Variants in FOXN3 observed in about 807,000 individuals in gnomAD.
FOXN3 encodes forkhead box protein N3.
A neutral mutation model predicts 38.4 loss-of-function variants in FOXN3; 7 were observed. The ratio of observed to expected loss-of-function variants is 0.18; its 90% CI spans 0.10 to 0.34. The LOEUF (loss-of-function observed/expected upper bound fraction) is 0.34, where lower values mean the gene tolerates loss of function less well. Ranked by LOEUF, FOXN3 falls within the 10% of genes least tolerant of loss-of-function variation. The probability of loss-of-function intolerance (pLI) is 1.00; values close to 1 mark genes in which losing one functional copy is unlikely to be tolerated. For synonymous variants in FOXN3, 230 were observed against 242.2 expected, an observed-to-expected ratio of 0.95 and a Z score of 0.47; for missense variants, 456 against 613.4, an observed-to-expected ratio of 0.74 and a Z score of 2.71.
At chr14:89,238,837 T>C (rs1885054685) in intron 4 of FOXN3, among the ~76,000 whole-genome samples, 1 of 151,858 alleles carries the variant, frequency 6.6e-6, no homozygotes, top group African/African-American at 2.4e-5. Context: ...GTGAAATGTA[T>C]CCATTTCTAA....
At chr14:89,409,698 C>T (rs1310023738) in intron 2 of FOXN3, among the ~76,000 whole-genome samples, 1 of 152,172 alleles carries the variant, frequency 6.6e-6, no homozygotes, top group Non-Finnish European at 1.5e-5. Flanking sequence ...CTTTTGAAGA[C>T]TTTCCCTTTC....
intron 1 of FOXN3, among the ~76,000 whole-genome samples, chr14:89,495,369 T>A (rs988106726): frequency 2.0e-5 from 3 of 152,220 alleles, no homozygotes; most frequent in Non-Finnish European, 4.4e-5. Context: ...TTTCCTGTTA[T>A]TTTCCTAAAT....
intron 4 of FOXN3, among the ~76,000 whole-genome samples, chr14:89,259,056 T>C (rs1393480968): frequency 3.3e-5 from 5 of 152,236 alleles, no homozygotes; most frequent in Non-Finnish European, 5.9e-5. Context: ...CAGAATCACC[T>C]GGTGGCTTTG....
At chr14:89,511,307 C>G (rs1381618028) in intron 1 of FOXN3, among the ~76,000 whole-genome samples, 1 of 112,946 alleles carries the variant, frequency 8.9e-6, no homozygotes, top group African/African-American at 3.5e-5. Context: ...TTCTTTCTTT[C>G]TTTTTTGAGA....
intron 1 of FOXN3, among the ~76,000 whole-genome samples, chr14:89,612,854 T>G (rs1181219396): frequency 6.6e-6 from 1 of 150,456 alleles, no homozygotes; most frequent in East Asian, 1.9e-4. Flanking sequence ...ACACGGTGGC[T>G]CACGCTTGTG....
intron 2 of FOXN3, among the ~76,000 whole-genome samples, chr14:89,396,430 C>G (rs1487595609): frequency 6.6e-6 from 1 of 152,192 alleles, no homozygotes; most frequent in Non-Finnish European, 1.5e-5. Flanking sequence ...CCAGATTCTT[C>G]ATGTATAAAC....
At chr14:89,608,273 G>C (rs895398792) in intron 1 of FOXN3, among the ~76,000 whole-genome samples, 1 of 152,272 alleles carries the variant, frequency 6.6e-6, no homozygotes, top group South Asian at 2.1e-4. Flanking sequence ...TGGGATTACA[G>C]GCGTGAGCCA....
intron 1 of FOXN3, among the ~76,000 whole-genome samples, chr14:89,605,686 T>C (rs1233764165): frequency 1.3e-5 from 2 of 152,100 alleles, no homozygotes. Context: ...TTATTTATAT[T>C]AGAAAAAATA....
rs1887039850 is a variant in FOXN3, at chr14:89,159,002, A to T, written c.*3412T>A. On this transcript the variant is annotated 3_prime_UTR_variant, in exon 6 of 6. Transcript: ENST00000557258. ...GGCGATCTGTCAGACTAATGGATAC[A>T]TATGCTAGTTTGGAAGCTAAAAGAA... is the stretch of plus-strand genomic sequence containing the variant. 1 of 152,664 alleles carries T rather than the reference A, an allele frequency of 6.6e-6. No individual in the cohort carries two copies. The highest frequency in any genetic ancestry group is 1.5e-5 in the Non-Finnish European group (1 of 68,054). The allele number at this position is 152,664 out of a possible 1,614,324, so 9.5% of individuals were successfully genotyped here.
intron 1 of FOXN3, among the ~76,000 whole-genome samples, chr14:89,472,932 AAC>A (rs1320081055): frequency 6.6e-6 from 1 of 152,200 alleles, no homozygotes; most frequent in Non-Finnish European, 1.5e-5. Flanking sequence ...GAACTCAGCA[AAC>A]ACATTTCCAG....
At chr14:89,529,193 G>A (rs1426457659) in intron 1 of FOXN3, among the ~76,000 whole-genome samples, 1 of 151,968 alleles carries the variant, frequency 6.6e-6, no homozygotes, top group Non-Finnish European at 1.5e-5. Context: ...TACATAGGTG[G>A]TTCCTTCCTA....
At chr14:89,226,916 G>A (rs990723726) in intron 4 of FOXN3, among the ~76,000 whole-genome samples, 2 of 152,150 alleles carry the variant, frequency 1.3e-5, no homozygotes, top group Admixed American at 6.5e-5. Flanking sequence ...CAGAGCCTTC[G>A]AGGGGGACAC....
intron 1 of FOXN3, among the ~76,000 whole-genome samples, chr14:89,498,727 G>T (rs1196021614): frequency 6.6e-6 from 1 of 151,456 alleles, no homozygotes; most frequent in East Asian, 1.9e-4. Flanking sequence ...GTAGGTCTGG[G>T]GGTGTTCATG....
In FOXN3 at chr14:89,378,576, G is replaced by C. The variant is rs1169363429; in HGVS notation, c.544-27768C>G. Among the ~76,000 whole-genome samples, 6 of 152,318 alleles carry C rather than the reference G, an allele frequency of 3.9e-5. No individual in the cohort carries two copies. In the East Asian group the frequency reaches 9.6e-4, roughly 24 times the overall value. On this transcript the variant is annotated intron_variant, in intron 2 of 5. Transcript: ENST00000557258. The stretch of plus-strand genomic sequence containing the variant: ...AACATTCTCAGGCTTATCATGATAA[G>C]AGGGGACAATTTAAATATTTCTTTA...
intron 4 of FOXN3, among the ~76,000 whole-genome samples, chr14:89,195,317 C>A (rs768686080): frequency 6.6e-6 from 1 of 152,228 alleles, no homozygotes; most frequent in Non-Finnish European, 1.5e-5. Flanking sequence ...TACTCCCACT[C>A]TCTACCTTAG....
intron 1 of FOXN3, among the ~76,000 whole-genome samples, chr14:89,592,577 G>C (rs755773856): frequency 6.6e-6 from 1 of 152,204 alleles, no homozygotes; most frequent in African/African-American, 2.4e-5. Flanking sequence ...GACGTTCATT[G>C]AGTATTGCCT....
intron 1 of FOXN3, among the ~76,000 whole-genome samples, chr14:89,427,468 G>C (rs1193383437): frequency 6.9e-6 from 1 of 144,106 alleles, no homozygotes; most frequent in Non-Finnish European, 1.5e-5. Flanking sequence ...ACTGCGCCCG[G>C]CTGATTTTTT....
intron 1 of FOXN3, among the ~76,000 whole-genome samples, chr14:89,413,550 T>C (rs1279602242): frequency 6.6e-6 from 1 of 151,812 alleles, no homozygotes; most frequent in African/African-American, 2.4e-5. Flanking sequence ...GGAGGACTGC[T>C]TGAACCCAAG....
At chr14:89,559,711 TA>T in intron 1 of FOXN3, among the ~76,000 whole-genome samples, 1 of 152,024 alleles carries the variant, frequency 6.6e-6, no homozygotes, top group East Asian at 1.9e-4. Context: ...AAATTTTAAA[TA>T]AAAAAAGAAC....
Sources: gnomAD v4.1 joint callset for allele counts (sites outside exome capture counted in the v4.1 genomes callset) on GRCh38, gnomAD v4.1.1 for gene constraint, MANE v1.5 for transcripts, NCBI Gene and HGNC (gene_info 2026-07-23, HGNC 2026-07-21) for gene names.